SLC24A2: variants seen among roughly 807,000 people sequenced by gnomAD.
The protein encoded by SLC24A2 is solute carrier family 24 member 2, also known as sodium/potassium/calcium exchanger 2.
Under a neutral mutation model 62.0 loss-of-function variants are expected in SLC24A2, and 36 were observed. That is an observed-to-expected ratio of 0.58 (90% CI 0.44 to 0.77). The LOEUF (loss-of-function observed/expected upper bound fraction) is 0.77. SLC24A2 is among the 30% of genes least tolerant of loss of function. The pLI is 0.00. For missense variants in SLC24A2, 846 were observed against 817.9 expected (o/e 1.03, Z -0.42); for synonymous variants, 358 against 294.0 (o/e 1.22, Z -2.23).
chr9:19,928,603 TG>T, the SLC24A2 span: 4 of 152,236 alleles, frequency 2.6e-5, no homozygotes, highest in African/African-American at 9.7e-5. Flanking sequence ...CAGTGAGAAC[TG>T]GGATTTATAA....
At chr9:19,800,242 C>A in the SLC24A2 span, among the ~76,000 whole-genome samples, 1 of 152,290 alleles carries the variant, frequency 6.6e-6, no homozygotes, top group South Asian at 2.1e-4. Flanking sequence ...AAGTCCAGGT[C>A]TGACAAAATA....
At chr9:20,160,042 T>A in the SLC24A2 span, among the ~76,000 whole-genome samples, 1 of 151,310 alleles carries the variant, frequency 6.6e-6, no homozygotes, top group African/African-American at 2.4e-5. Flanking sequence ...ATGCTGAACA[T>A]AAGACTCACA....
the SLC24A2 span, among the ~76,000 whole-genome samples, chr9:20,171,772 T>C: frequency 6.6e-6 from 1 of 152,024 alleles, no homozygotes; most frequent in Admixed American, 6.6e-5. Context: ...AGTGGGGGAC[T>C]TCAATGCTCC....
At chr9:19,703,917 G>C (rs891462897) in intron 2 of SLC24A2, among the ~76,000 whole-genome samples, 7 of 152,096 alleles carry the variant, frequency 4.6e-5, no homozygotes, top group Non-Finnish European at 8.8e-5. Context: ...CTATCTACAG[G>C]ACTTTTTCTC....
the SLC24A2 span, among the ~76,000 whole-genome samples, chr9:19,977,997 T>C: frequency 6.6e-6 from 1 of 152,118 alleles, no homozygotes; most frequent in Non-Finnish European, 1.5e-5. Flanking sequence ...TGTGGCTGGG[T>C]AAGACACTTT....
chr9:19,559,889 CTTGAAA>C (rs1384411854), intron 7 of SLC24A2, among the ~76,000 whole-genome samples: 4 of 152,278 alleles, frequency 2.6e-5, no homozygotes, highest in Admixed American at 2.6e-4. Flanking sequence ...GAACATTATA[CTTGAAA>C]TTGAAATATG....
At chr9:19,767,527 C>T (rs1323605803) in intron 2 of SLC24A2, among the ~76,000 whole-genome samples, 1 of 152,258 alleles carries the variant, frequency 6.6e-6, no homozygotes, top group East Asian at 1.9e-4. Context: ...ACAGCACAGT[C>T]CCTCATGGCT....
At chr9:19,994,565 C>T in the SLC24A2 span, among the ~76,000 whole-genome samples, 1 of 152,192 alleles carries the variant, frequency 6.6e-6, no homozygotes, top group Non-Finnish European at 1.5e-5. Flanking sequence ...GAGGACCAGG[C>T]TCTTGACTCT....
chr9:20,110,596 A>G, the SLC24A2 span, among the ~76,000 whole-genome samples: 2 of 152,142 alleles, frequency 1.3e-5, no homozygotes, highest in Admixed American at 6.6e-5. Context: ...CAAGTCTTCT[A>G]TGCCACCCAG....
At chr9:19,972,807 G>C in the SLC24A2 span, among the ~76,000 whole-genome samples, 1 of 151,992 alleles carries the variant, frequency 6.6e-6, no homozygotes, top group East Asian at 1.9e-4. Flanking sequence ...TGGAATTGAG[G>C]CTCAGAGAAA....
At chr9:20,164,316 G>GTT in the SLC24A2 span, among the ~76,000 whole-genome samples, 3 of 151,874 alleles carry the variant, frequency 2.0e-5, no homozygotes, top group Non-Finnish European at 4.4e-5. Flanking sequence ...TCAAAAAGTG[G>GTT]GCAAAGGACA....
In SLC24A2 at chr9:19,512,088, C is replaced by T. The variant is rs1832736506; in HGVS notation, c.*4065G>A. ...TTTGTTAAAGTGGTCTGGGGGTGGGCTCCCTTTGTAGCTCATCTCTTCTCT... is the reference window on the plus strand; with the variant it reads ...TTTGTTAAAGTGGTCTGGGGGTGGGTTCCCTTTGTAGCTCATCTCTTCTCT... On this transcript the variant is annotated 3_prime_UTR_variant, in exon 11 of 11. Coordinates refer to ENST00000341998, the MANE Select transcript of SLC24A2 (RefSeq NM_020344.4). 6.6e-6 allele frequency: 1 copy of T among 152,260 alleles called. No homozygotes were observed. The highest frequency in any genetic ancestry group is 1.5e-5 in the Non-Finnish European group (1 of 68,080). 9.4% of individuals were successfully genotyped at this position (152,260 alleles called of 1,614,324 possible).
At chr9:20,220,501 A>C in the SLC24A2 span, among the ~76,000 whole-genome samples, 2 of 152,122 alleles carry the variant, frequency 1.3e-5, no homozygotes, top group Admixed American at 6.6e-5. Flanking sequence ...TCAGTATATA[A>C]AATAGAAATC....
chr9:20,084,933 G>C, the SLC24A2 span, among the ~76,000 whole-genome samples: 2 of 152,178 alleles, frequency 1.3e-5, no homozygotes, highest in South Asian at 4.1e-4. Flanking sequence ...GGAAAGGATT[G>C]CTTCTGTTAT....
At chr9:19,532,545 T>C (rs1563938398) in intron 8 of SLC24A2, among the ~76,000 whole-genome samples, 1 of 152,236 alleles carries the variant, frequency 6.6e-6, no homozygotes, top group African/African-American at 2.4e-5. Context: ...TGTGATTGTT[T>C]GAATGCAGAG....
At chr9:20,093,354 G>A in the SLC24A2 span, among the ~76,000 whole-genome samples, 1 of 152,056 alleles carries the variant, frequency 6.6e-6, no homozygotes, top group Non-Finnish European at 1.5e-5. Context: ...TTATAGGCGT[G>A]AACCACCACG....
At chr9:19,856,479 T>A in the SLC24A2 span, among the ~76,000 whole-genome samples, 3 of 152,244 alleles carry the variant, frequency 2.0e-5, no homozygotes, top group Admixed American at 1.3e-4. Context: ...TTGTGGGGTC[T>A]TTTTTGTTTA....
the SLC24A2 span, among the ~76,000 whole-genome samples, chr9:19,890,570 C>T: frequency 2.0e-5 from 3 of 152,204 alleles, no homozygotes; most frequent in Non-Finnish European, 2.9e-5. Context: ...ACTTCTTCTC[C>T]TTTACTGACC....
At chr9:19,527,199 T>C (rs1365072719) in intron 9 of SLC24A2, among the ~76,000 whole-genome samples, 2 of 152,212 alleles carry the variant, frequency 1.3e-5, no homozygotes, top group Non-Finnish European at 2.9e-5. Context: ...AAACAAAGGA[T>C]ACAAGTGGGA....
Sources: gnomAD v4.1 joint callset for allele counts (sites outside exome capture counted in the v4.1 genomes callset) on GRCh38, gnomAD v4.1.1 for gene constraint, MANE v1.5 for transcripts, NCBI Gene and HGNC (gene_info 2026-07-23, HGNC 2026-07-21) for gene names.